Variants in SGCZ observed in about 807,000 individuals in gnomAD.
The protein encoded by SGCZ is zeta-sarcoglycan.
A neutral mutation model predicts 41.3 loss-of-function variants in SGCZ; 40 were observed. The observed-to-expected ratio is 0.97, with a 90% CI of 0.75 to 1.26. The LOEUF (loss-of-function observed/expected upper bound fraction) is 1.26, where lower values mean the gene tolerates loss of function less well. Ranked by LOEUF, SGCZ falls within the 50% of genes most tolerant of loss-of-function variation. The pLI, the probability that SGCZ is intolerant of heterozygous loss-of-function variation, is 0.00. For synonymous variants in SGCZ, 206 were observed against 137.5 expected, an observed-to-expected ratio of 1.50 and a Z score of -3.49; for missense variants, 552 against 369.8, an observed-to-expected ratio of 1.49 and a Z score of -4.04.
chr8:15,204,382 G>A (rs1800994654), intron 1 of SGCZ, among the ~76,000 whole-genome samples: 1 of 152,148 alleles, frequency 6.6e-6, no homozygotes, highest in African/African-American at 2.4e-5. Context: ...CTTTAGATAG[G>A]AATAGGAAAA....
At chr8:14,182,142 A>G (rs190532442) in intron 4 of SGCZ, among the ~76,000 whole-genome samples, 12 of 152,182 alleles carry the variant, frequency 7.9e-5, no homozygotes, top group African/African-American at 1.4e-4. Context: ...CTCATACTCT[A>G]CTCAGGGACT....
At chr8:14,388,285 G>A (rs1273382723) in intron 2 of SGCZ, among the ~76,000 whole-genome samples, 1 of 152,110 alleles carries the variant, frequency 6.6e-6, no homozygotes, top group Non-Finnish European at 1.5e-5. Context: ...GCAGCCATGT[G>A]GAACAGGAAA....
Position 14,589,710 on chromosome 8 carries a change from T to C in SGCZ, c.40-34784A>G, listed in dbSNP as rs186475779. Among the ~76,000 whole-genome samples, 29 of 152,316 alleles carry C rather than the reference T, an allele frequency of 1.9e-4. No homozygotes were observed. In the East Asian group the frequency reaches 5.4e-3, roughly 28 times the overall value. ...TTTCCTTCAGTGGACTACAACCCTG[T>C]AAATATTCTTAAGAAATTACAGTAA... On this transcript the variant is annotated intron_variant, in intron 1 of 7. Coordinates refer to ENST00000382080, the MANE Select transcript of SGCZ (RefSeq NM_139167.4).
chr8:15,012,577 T>A (rs796101809), intron 1 of SGCZ, among the ~76,000 whole-genome samples: 1 of 110,162 alleles, frequency 9.1e-6, no homozygotes, highest in East Asian at 2.2e-4. Flanking sequence ...AAATATATAT[T>A]TATATAACAT....
intron 2 of SGCZ, among the ~76,000 whole-genome samples, chr8:14,407,979 G>C (rs4276690): frequency 0.13 from 20,318 of 152,004 alleles, 2,938 homozygotes; most frequent in African/African-American, 0.36. Flanking sequence ...CATACGGAGA[G>C]ATAGTTATTT....
intron 1 of SGCZ, among the ~76,000 whole-genome samples, chr8:14,911,903 C>G (rs972280627): frequency 6.6e-6 from 1 of 151,822 alleles, no homozygotes; most frequent in Non-Finnish European, 1.5e-5. Context: ...AATATTTTAT[C>G]TCTATACTGC....
At chr8:15,044,174 T>G (rs1237034954) in intron 1 of SGCZ, among the ~76,000 whole-genome samples, 1 of 152,194 alleles carries the variant, frequency 6.6e-6, no homozygotes, top group African/African-American at 2.4e-5. Context: ...ATTCCTATGC[T>G]ATATTGAATA....
intron 1 of SGCZ, among the ~76,000 whole-genome samples, chr8:14,746,909 A>G (rs577420231): frequency 1.3e-5 from 2 of 152,198 alleles, no homozygotes; most frequent in Non-Finnish European, 2.9e-5. Context: ...CCAATGCTCC[A>G]CTGTGATTTA....
intron 4 of SGCZ, among the ~76,000 whole-genome samples, chr8:14,177,826 C>A (rs1194961212): frequency 6.6e-6 from 1 of 151,014 alleles, no homozygotes; most frequent in Non-Finnish European, 1.5e-5. Context: ...GCCCGGCCCT[C>A]TGTTTCCTTT....
Position 14,550,906 on chromosome 8 carries a change from C to T in SGCZ, c.234+3826G>A, listed in dbSNP as rs149288873. 7.9e-5 allele frequency among the ~76,000 whole-genome samples: 12 copies of T among 152,074 alleles called. No homozygotes were observed. In the East Asian group the frequency reaches 1.4e-3, roughly 17 times the overall value. ...TCCCAATTCCCTTTCAATCCAAAAA[C>T]GACAATGATACTCAATTATTTTCTT... On this transcript the variant is annotated intron_variant, in intron 2 of 7. Transcript: ENST00000382080.
chr8:15,205,623 T>C (rs1181590299), intron 1 of SGCZ, among the ~76,000 whole-genome samples: 1 of 151,982 alleles, frequency 6.6e-6, no homozygotes, highest in African/African-American at 2.4e-5. Flanking sequence ...GGTGAGGCTG[T>C]GGAGAAAAGG....
At chr8:14,356,623 T>C (rs1248161962) in intron 2 of SGCZ, among the ~76,000 whole-genome samples, 4 of 151,788 alleles carry the variant, frequency 2.6e-5, no homozygotes, top group African/African-American at 4.8e-5. Flanking sequence ...AGAAATAATA[T>C]AGAAAAAAAT....
chr8:14,602,086 C>G (rs982711941), intron 1 of SGCZ, among the ~76,000 whole-genome samples: 7 of 152,008 alleles, frequency 4.6e-5, no homozygotes, highest in East Asian at 3.9e-4. Flanking sequence ...CGCCACTGCA[C>G]TCCAGCCTGG....
intron 1 of SGCZ, among the ~76,000 whole-genome samples, chr8:15,219,382 G>A (rs1801516647): frequency 6.6e-6 from 1 of 152,054 alleles, no homozygotes; most frequent in South Asian, 2.1e-4. Context: ...ATCCATACAT[G>A]TTGATGTATA....
chr8:14,164,591 A>T lies in SGCZ; in HGVS notation c.536T>A (p.Leu179Gln). The T allele has an allele frequency of 6.2e-7, 1 of 1,613,452 alleles. No individual in the cohort carries two copies. The highest frequency in any genetic ancestry group is 8.5e-7 in the Non-Finnish European group (1 of 1,179,582). The change falls in exon 5 of 8, where the codon CTG becomes CAG. Residue 179 changes from leucine (L) to glutamine (Q), a missense_variant. Physicochemically the swap from Leu to Gln is moderately radical, Grantham distance 113 (BLOSUM62 -2). Transcript: ENST00000382080. ...EDEITIGAEK[L>Q]KVTGTEGAVF... ...TCCATCTACAGTACCTGTAACTTTC[A>T]GCTTTTCAGCCCCAATGGTAATCTC...
At chr8:15,023,135 G>A (rs1179255756) in intron 1 of SGCZ, among the ~76,000 whole-genome samples, 1 of 152,124 alleles carries the variant, frequency 6.6e-6, no homozygotes, top group East Asian at 1.9e-4. Context: ...TCTATGAGCT[G>A]GAAAATCAGA....
chr8:14,508,759 G>A (rs576602671), intron 2 of SGCZ, among the ~76,000 whole-genome samples: 1 of 152,192 alleles, frequency 6.6e-6, no homozygotes, highest in South Asian at 2.1e-4. Flanking sequence ...AGTTTTAATA[G>A]GCTTTACCGT....
At chr8:15,194,759 A>T (rs1395570569) in intron 1 of SGCZ, among the ~76,000 whole-genome samples, 1 of 152,152 alleles carries the variant, frequency 6.6e-6, no homozygotes, top group East Asian at 1.9e-4. Flanking sequence ...CAGGTAAGGA[A>T]ACATTCTCCA....
intron 1 of SGCZ, among the ~76,000 whole-genome samples, chr8:14,860,344 T>C (rs1442203267): frequency 3.9e-5 from 6 of 151,918 alleles, no homozygotes; most frequent in Non-Finnish European, 7.4e-5. Context: ...ATCACCACCA[T>C]CTAGTGTCTG....
Sources: allele counts gnomAD v4.1 joint callset (sites outside exome capture counted in the v4.1 genomes callset), GRCh38; gene constraint gnomAD v4.1.1; transcripts MANE v1.5; gene names NCBI Gene and HGNC (gene_info 2026-07-23, HGNC 2026-07-21).